The following IPCEF1 variants were observed in gnomAD, a reference collection of about 807,000 sequenced individuals.
IPCEF1 encodes interactor protein for cytohesin exchange factors 1.
A neutral mutation model predicts 50.9 loss-of-function variants in IPCEF1; 31 were observed. The ratio of observed to expected loss-of-function variants is 0.61; its 90% CI spans 0.46 to 0.82. The LOEUF is 0.82. Among genes scored for constraint, IPCEF1 ranks in the 40% least tolerant of loss-of-function variants. The pLI, the probability that IPCEF1 is intolerant of heterozygous loss-of-function variation, is 0.00. For synonymous variants in IPCEF1, 181 were observed against 192.0 expected (o/e 0.94, Z 0.47); for missense variants, 458 against 514.0 (o/e 0.89, Z 1.05).
At chr6:154,351,997 G>A (rs1416489404) in intron 1 of IPCEF1, among the ~76,000 whole-genome samples, 1 of 152,202 alleles carries the variant, frequency 6.6e-6, no homozygotes, top group Non-Finnish European at 1.5e-5. Context: ...GGGGGAGAGG[G>A]AGAGCATCAG....
At chr6:154,337,770 A>T (rs1783819055) in intron 1 of IPCEF1, among the ~76,000 whole-genome samples, 1 of 152,196 alleles carries the variant, frequency 6.6e-6, no homozygotes, top group Non-Finnish European at 1.5e-5. Context: ...ATATAATGTG[A>T]GAAGAAAACT....
intron 1 of IPCEF1, among the ~76,000 whole-genome samples, chr6:154,320,709 A>G (rs1783350267): frequency 6.6e-6 from 1 of 152,168 alleles, no homozygotes; most frequent in Non-Finnish European, 1.5e-5. Flanking sequence ...TTTCCCAAAC[A>G]AAACTGTATA....
chr6:154,201,537 C>G (rs1777068036), intron 9 of IPCEF1, among the ~76,000 whole-genome samples: 1 of 152,188 alleles, frequency 6.6e-6, no homozygotes. Context: ...GTAGAGAAGG[C>G]ATTTTATGGT....
At chr6:154,295,023 C>T (rs1449982961) in intron 1 of IPCEF1, among the ~76,000 whole-genome samples, 22 of 152,102 alleles carry the variant, frequency 1.4e-4, no homozygotes. Context: ...ACGGTGAAAG[C>T]CCGTCTCTAC....
rs188251059 is a variant in IPCEF1, at chr6:154,159,376, A to G, written c.*452T>C. The stretch of plus-strand genomic sequence containing the variant: ...CCTTCCAGTCACTGCTCTAGAAAAC[A>G]TTCCTCCACTCAAACAGTGATTTGG... On this transcript the variant is annotated 3_prime_UTR_variant, in exon 12 of 12. Transcript: ENST00000367220. 5.8e-6 allele frequency: 1 copy of G among 171,050 alleles called. No homozygotes were observed. The highest frequency in any genetic ancestry group is 6.4e-5 in the Admixed American group (1 of 15,550). The allele number at this position is 171,050 out of a possible 1,614,324, so 10.6% of individuals were successfully genotyped here.
chr6:154,187,132 C>A (rs1801443160), intron 10 of IPCEF1, among the ~76,000 whole-genome samples: 2 of 152,138 alleles, frequency 1.3e-5, no homozygotes, highest in South Asian at 2.1e-4. Flanking sequence ...GAAGACTCTT[C>A]CCCAAATATT....
intron 11 of IPCEF1, among the ~76,000 whole-genome samples, chr6:154,166,410 C>T (rs769478412): frequency 2.0e-5 from 3 of 152,192 alleles, no homozygotes; most frequent in African/African-American, 4.8e-5. Context: ...ATGCTCTCCG[C>T]GGCCTCTACT....
intron 1 of IPCEF1, among the ~76,000 whole-genome samples, chr6:154,345,737 C>T (rs1459230308): frequency 6.6e-6 from 1 of 152,168 alleles, no homozygotes; most frequent in East Asian, 1.9e-4. Flanking sequence ...AAAGAAATCT[C>T]TTCACTTATC....
At chr6:154,212,384 C>T (rs980949409) in intron 9 of IPCEF1, among the ~76,000 whole-genome samples, 1 of 152,104 alleles carries the variant, frequency 6.6e-6, no homozygotes, top group Non-Finnish European at 1.5e-5. Flanking sequence ...CTTTTTTCAT[C>T]CTAAATTCAT....
At chr6:154,336,443 C>T (rs1783788848) in intron 1 of IPCEF1, among the ~76,000 whole-genome samples, 1 of 152,144 alleles carries the variant, frequency 6.6e-6, no homozygotes, top group South Asian at 2.1e-4. Flanking sequence ...CACATGTTCT[C>T]ACTCACATGT....
chr6:154,215,313 T>C (rs1206675995), intron 7 of IPCEF1, among the ~76,000 whole-genome samples: 2 of 152,022 alleles, frequency 1.3e-5, no homozygotes, highest in Non-Finnish European at 2.9e-5. Flanking sequence ...ATAGAAAATA[T>C]ATAACAAATT....
intron 1 of IPCEF1, among the ~76,000 whole-genome samples, chr6:154,302,116 C>T (rs1368557676): frequency 6.6e-6 from 1 of 152,212 alleles, no homozygotes; most frequent in Non-Finnish European, 1.5e-5. Flanking sequence ...GTTCTCATTG[C>T]TCACATTTGT....
intron 2 of IPCEF1, among the ~76,000 whole-genome samples, chr6:154,272,011 T>C (rs141985523): frequency 1.3e-5 from 2 of 152,218 alleles, no homozygotes; most frequent in Non-Finnish European, 2.9e-5. Flanking sequence ...TCCACTAAAG[T>C]ATGTAGATTA....
intron 7 of IPCEF1, among the ~76,000 whole-genome samples, chr6:154,218,774 T>C (rs13194818): frequency 0.12 from 18,375 of 152,254 alleles, 1,177 homozygotes; most frequent in Non-Finnish European, 0.14. Flanking sequence ...CCAGACAAAA[T>C]GGACCATTTA....
chr6:154,205,545 A>C (rs1777423274), intron 9 of IPCEF1, among the ~76,000 whole-genome samples: 1 of 152,242 alleles, frequency 6.6e-6, no homozygotes, highest in South Asian at 2.1e-4. Flanking sequence ...CAGTGAGCCG[A>C]AATCACACCA....
intron 1 of IPCEF1, among the ~76,000 whole-genome samples, chr6:154,310,560 T>G (rs1485378886): frequency 6.6e-6 from 1 of 152,186 alleles, no homozygotes; most frequent in Non-Finnish European, 1.5e-5. Context: ...AAATTGAAAT[T>G]AGTATGTCAA....
intron 9 of IPCEF1, among the ~76,000 whole-genome samples, chr6:154,210,271 G>A (rs1777859265): frequency 1.3e-5 from 2 of 152,100 alleles, no homozygotes; most frequent in South Asian, 4.1e-4. Context: ...TTATAAAACT[G>A]AAAATGCCAG....
At chr6:154,351,602 C>G (rs1386664237) in intron 1 of IPCEF1, among the ~76,000 whole-genome samples, 2 of 152,306 alleles carry the variant, frequency 1.3e-5, no homozygotes, top group African/African-American at 2.4e-5. Flanking sequence ...TATAACAAAA[C>G]CTTTAACATA....
At chr6:154,227,973 G>C (rs1779395667) in intron 5 of IPCEF1, among the ~76,000 whole-genome samples, 1 of 120,858 alleles carries the variant, frequency 8.3e-6, no homozygotes, top group South Asian at 3.5e-4. Flanking sequence ...AATGGTCCTT[G>C]CTTATTTGAC....
Sources: gnomAD v4.1 joint callset for allele counts (sites outside exome capture counted in the v4.1 genomes callset) on GRCh38, gnomAD v4.1.1 for gene constraint, MANE v1.5 for transcripts, NCBI Gene and HGNC (gene_info 2026-07-23, HGNC 2026-07-21) for gene names.